PLXNC1: variants seen among roughly 807,000 people sequenced by gnomAD.
PLXNC1 encodes the protein plexin C1.
Under a neutral mutation model 178.2 loss-of-function variants are expected in PLXNC1, and 75 were observed. The observed-to-expected ratio is 0.42, with a 90% CI of 0.35 to 0.51. The LOEUF (loss-of-function observed/expected upper bound fraction) is 0.51, where lower values mean the gene tolerates loss of function less well. PLXNC1 is among the 20% of genes least tolerant of loss of function. PLXNC1 has a pLI of 0.02. For missense variants in PLXNC1, 1,503 were observed against 1,984.4 expected (o/e 0.76, Z 4.61); for synonymous variants, 790 against 779.9 (o/e 1.01, Z -0.22).
At position 94,255,305 on chromosome 12, in the gene PLXNC1, G is replaced by A; in HGVS notation, c.3087+9G>A. On this transcript the variant is annotated intron_variant, in intron 17 of 30. Coordinates refer to ENST00000258526, the MANE Select transcript of PLXNC1 (RefSeq NM_005761.3). ...GAACTTTCTTCCCTGAGGTAAAAGA[G>A]CATTGATCATATTCCGAAGGTTGAG... 9.1e-6 allele frequency: 14 copies of A among 1,537,792 alleles called. No homozygotes were observed. The highest frequency in any genetic ancestry group is 1.1e-5 in the Non-Finnish European group (12 of 1,110,214).
At chr12:94,188,650 A>G (rs1413120486) in intron 4 of PLXNC1, among the ~76,000 whole-genome samples, 1 of 152,216 alleles carries the variant, frequency 6.6e-6, no homozygotes, top group Non-Finnish European at 1.5e-5. Flanking sequence ...GATGCATGAA[A>G]TAACAGTGCA....
intron 21 of PLXNC1, among the ~76,000 whole-genome samples, chr12:94,271,755 T>C (rs894262410): frequency 7.9e-5 from 12 of 152,204 alleles, no homozygotes; most frequent in African/African-American, 2.7e-4. Flanking sequence ...TGATTCAGTT[T>C]TCCTTGTCTG....
intron 2 of PLXNC1, among the ~76,000 whole-genome samples, chr12:94,174,979 A>ACTG (rs1298287579): frequency 2.0e-5 from 3 of 152,194 alleles, no homozygotes; most frequent in African/African-American, 7.2e-5. Context: ...TACTACCTAC[A>ACTG]CTGCAATAAG....
intron 9 of PLXNC1, among the ~76,000 whole-genome samples, chr12:94,229,178 A>G (rs976297876): frequency 8.5e-5 from 13 of 152,192 alleles, no homozygotes; most frequent in Admixed American, 5.2e-4. Flanking sequence ...ATCTTTGTGT[A>G]TGCTTGCTGG....
In PLXNC1 at chr12:94,260,801, C is replaced by T; in HGVS notation, c.3411C>T (p.Leu1137=). ...CGGAGTCCGTCGTCGAAAAACTCCT[C>T]ACAAACTGGATGTCCGTCTGCCTTT... ...RRTESVVEKL[L]TNWMSVCLSG... The change falls in exon 20 of 31, where the codon CTC becomes CTT. Residue 1137 remains leucine, a synonymous_variant. Coordinates refer to ENST00000258526, the MANE Select transcript of PLXNC1 (RefSeq NM_005761.3). This position sits in a 1 kb window ranked among gnomAD's most constrained non-coding sequence, Gnocchi z 4.4. The T allele has an allele frequency of 6.2e-7, 1 of 1,614,224 alleles. No homozygotes were observed. The highest frequency in any genetic ancestry group is 8.5e-7 in the Non-Finnish European group (1 of 1,180,032).
Position 94,150,049 on chromosome 12 carries a change from G to A in PLXNC1, c.1062+16G>A. ...GAGCCACTGCGTAAGTCCTGCCCCCGGGGCGCCGCGGAGAGCGCTGCTGCC... is the reference window on the plus strand; with the variant it reads ...GAGCCACTGCGTAAGTCCTGCCCCCAGGGCGCCGCGGAGAGCGCTGCTGCC... On this transcript the variant is annotated intron_variant, in intron 1 of 30. Coordinates refer to ENST00000258526, the MANE Select transcript of PLXNC1 (RefSeq NM_005761.3). 1.9e-6 allele frequency: 3 copies of A among 1,545,780 alleles called. No homozygotes were observed. The highest frequency in any genetic ancestry group is 2.6e-6 in the Non-Finnish European group (3 of 1,149,824).
At chr12:94,175,510 A>G (rs1592733005) in intron 2 of PLXNC1, among the ~76,000 whole-genome samples, 1 of 152,332 alleles carries the variant, frequency 6.6e-6, no homozygotes, top group Non-Finnish European at 1.5e-5. Flanking sequence ...CCACTCAGTT[A>G]ATTTCAGCAG....
chr12:94,287,773 A>G (rs1440438069), intron 23 of PLXNC1, among the ~76,000 whole-genome samples: 2 of 152,242 alleles, frequency 1.3e-5, no homozygotes, highest in Non-Finnish European at 2.9e-5. Context: ...GGGACTGGAC[A>G]ATCGCTAAAG....
intron 11 of PLXNC1, among the ~76,000 whole-genome samples, chr12:94,241,984 A>AAAG (rs1363948236): frequency 6.7e-6 from 1 of 148,446 alleles, no homozygotes; most frequent in African/African-American, 2.5e-5. Context: ...TGTTAAAAAA[A>AAAG]AAAAAGAAGA....
At chr12:94,219,392 T>A (rs998887757) in intron 5 of PLXNC1, among the ~76,000 whole-genome samples, 1 of 152,214 alleles carries the variant, frequency 6.6e-6, no homozygotes, top group Non-Finnish European at 1.5e-5. Context: ...CTGGATAAAG[T>A]TGGACCCTTA....
intron 21 of PLXNC1, among the ~76,000 whole-genome samples, chr12:94,266,151 G>A (rs142403516): frequency 2.7e-4 from 41 of 152,316 alleles, no homozygotes; most frequent in African/African-American, 9.6e-4. Flanking sequence ...GGGGACTGCA[G>A]TGTCATCTGG....
rs573188771 is a variant in PLXNC1, at chr12:94,207,939, T to C, written c.1440-1651T>C. ...AATTGGCTTATTTTTTTTTTTCTTATAGGCAGAGGAAGTGCCTTACACAAA... is the reference window on the plus strand; with the variant it reads ...AATTGGCTTATTTTTTTTTTTCTTACAGGCAGAGGAAGTGCCTTACACAAA... On this transcript the variant is annotated intron_variant, in intron 4 of 30. Transcript: ENST00000258526. Among the ~76,000 whole-genome samples the C allele has an allele frequency of 1.6e-3, 245 of 152,314 alleles. 2 individuals are homozygous for C. The highest frequency in any genetic ancestry group is 5.8e-3 in the African/African-American group (239 of 41,564).
At position 94,158,970 on chromosome 12, in the gene PLXNC1, G is replaced by A. The variant is rs907007236; in HGVS notation, c.1062+8937G>A. 2.0e-5 allele frequency among the ~76,000 whole-genome samples: 3 copies of A among 152,214 alleles called. 1 individual carries two copies. The highest frequency in any genetic ancestry group is 1.9e-4 in the East Asian group (1 of 5,178). ...GCTAAGGTTGATGGAGTAAAACAGC[G>A]GGATTATAAACAGACACAATCTGAA... On this transcript the variant is annotated intron_variant, in intron 1 of 30. Coordinates refer to ENST00000258526, the MANE Select transcript of PLXNC1 (RefSeq NM_005761.3).
At chr12:94,294,388 G>A (rs1967691746) in intron 23 of PLXNC1, 98 bp from the exon 24 acceptor site, 1 of 613,824 alleles carries the variant, frequency 1.6e-6, no homozygotes, top group Admixed American at 2.7e-5. Context: ...TTTAATAAGT[G>A]ACAGCATGTA....
At chr12:94,276,680 G>A (rs1965986556) in intron 21 of PLXNC1, among the ~76,000 whole-genome samples, 1 of 152,198 alleles carries the variant, frequency 6.6e-6, no homozygotes, top group South Asian at 2.1e-4. Flanking sequence ...AACATTTCTA[G>A]AAAAGGGAGG....
At chr12:94,255,991 C>T (rs1467234916) in intron 17 of PLXNC1, 1 of 152,414 alleles carries the variant, frequency 6.6e-6, no homozygotes, top group Non-Finnish European at 1.5e-5. Flanking sequence ...CTCACTCAGC[C>T]TTCTCCATTT....
At position 94,227,242 on chromosome 12, in the gene PLXNC1, C is replaced by G. The variant is rs367888609; in HGVS notation, c.1980+7C>G. 1 of 1,582,516 alleles carries G rather than the reference C, an allele frequency of 6.3e-7. No individual in the cohort carries two copies. Among genetic ancestry groups the G allele is most frequent in the Non-Finnish European group, 8.7e-7 (1 of 1,151,492 alleles). On this transcript the variant is annotated splice_region_variant and intron_variant, in intron 9 of 30. Transcript: ENST00000258526. Reference sequence around the variant, plus strand: ...AACCAACCAGGCTTTACAGGTCAGACCCTATTTTTGTGTGGTTGAGGGGAA... The same window carrying G: ...AACCAACCAGGCTTTACAGGTCAGAGCCTATTTTTGTGTGGTTGAGGGGAA...
intron 2 of PLXNC1, among the ~76,000 whole-genome samples, chr12:94,170,498 A>C (rs1225647781): frequency 1.3e-5 from 2 of 152,112 alleles, no homozygotes; most frequent in African/African-American, 4.8e-5. Flanking sequence ...GGCTCAGCTC[A>C]AACCCCACCT....
rs141027425 is a variant in PLXNC1 at position 94,232,030 on chromosome 12, C to G, written c.1980+4795C>G. 7.4e-3 allele frequency among the ~76,000 whole-genome samples: 1,124 copies of G among 152,324 alleles called. 7 individuals are homozygous for G. The highest frequency in any genetic ancestry group is 0.01 in the Non-Finnish European group (707 of 68,020). On this transcript the variant is annotated intron_variant, in intron 9 of 30. Transcript: ENST00000258526. ...AAGCATACAAAGTCATATCCCCTGGCAATTTACATTCAAATGGTTCTTTCT... is the reference window on the plus strand; with the variant it reads ...AAGCATACAAAGTCATATCCCCTGGGAATTTACATTCAAATGGTTCTTTCT...
Sources: allele counts gnomAD v4.1 joint callset (sites outside exome capture counted in the v4.1 genomes callset), GRCh38; gene constraint gnomAD v4.1.1; non-coding constraint Gnocchi (gnomAD v3.1); transcripts MANE v1.5; gene names NCBI Gene and HGNC (gene_info 2026-07-23, HGNC 2026-07-21).